Variants in ZNG1E observed in about 807,000 individuals in gnomAD.
ZNG1E encodes Zn regulated GTPase metalloprotein activator 1E.
the ZNG1E span, among the ~76,000 whole-genome samples, chr9:65,710,982 C>A: frequency 6.2e-5 from 9 of 145,362 alleles, no homozygotes; most frequent in African/African-American, 2.4e-4. Flanking sequence ...TCTTCCTACC[C>A]ATGAGCATGG....
chr9:65,694,440 A>T, the ZNG1E span, among the ~76,000 whole-genome samples: 213 of 150,388 alleles, frequency 1.4e-3, no homozygotes, highest in African/African-American at 5.1e-3. Context: ...ATGGAGGCCA[A>T]AAAAACAAAG....
At chr9:65,693,709 C>T in the ZNG1E span, among the ~76,000 whole-genome samples, 1 of 151,570 alleles carries the variant, frequency 6.6e-6, no homozygotes, top group East Asian at 1.9e-4. Flanking sequence ...AGGTGCACAC[C>T]ACCATGCCCA....
At chr9:65,686,944 C>G in the ZNG1E span, among the ~76,000 whole-genome samples, 1 of 152,280 alleles carries the variant, frequency 6.6e-6, no homozygotes, top group African/African-American at 2.4e-5. Context: ...GATCATCTAT[C>G]CAGACCACTT....
the ZNG1E span, chr9:65,705,011 T>C: frequency 6.9e-6 from 1 of 145,948 alleles, no homozygotes; most frequent in Admixed American, 6.9e-5. Context: ...TTTTTTTAAA[T>C]TTTTTTACCA....
At chr9:65,663,804 T>C in the ZNG1E span, among the ~76,000 whole-genome samples, 2 of 148,330 alleles carry the variant, frequency 1.3e-5, no homozygotes, top group Non-Finnish European at 3.0e-5. Flanking sequence ...TATATGCCTC[T>C]TGTAACCAGT....
At chr9:65,666,249 A>G in the ZNG1E span, among the ~76,000 whole-genome samples, 2 of 150,604 alleles carry the variant, frequency 1.3e-5, no homozygotes, top group Admixed American at 1.3e-4. Flanking sequence ...GGTGGGAGGT[A>G]ACTGAATCAT....
At chr9:65,684,570 A>ACACACT in the ZNG1E span, among the ~76,000 whole-genome samples, 1 of 148,496 alleles carries the variant, frequency 6.7e-6, no homozygotes, top group African/African-American at 2.6e-5. Flanking sequence ...ACACACACAC[A>ACACACT]TTCATACACA....
chr9:65,712,134 A>T, the ZNG1E span, among the ~76,000 whole-genome samples: 26 of 148,366 alleles, frequency 1.8e-4, no homozygotes, highest in African/African-American at 6.5e-4. Flanking sequence ...TTTCTAGTTT[A>T]TTTGCGTAGA....
chr9:65,688,041 T>G, the ZNG1E span, among the ~76,000 whole-genome samples: 1 of 151,642 alleles, frequency 6.6e-6, no homozygotes, highest in Non-Finnish European at 1.5e-5. Flanking sequence ...GTTCTTCGTA[T>G]GTATTCTAAT....
At chr9:65,715,074 A>G in the ZNG1E span, among the ~76,000 whole-genome samples, 1 of 149,202 alleles carries the variant, frequency 6.7e-6, no homozygotes, top group Non-Finnish European at 1.5e-5. Flanking sequence ...GGACTCTCCG[A>G]GCCAGGTGTG....
the ZNG1E span, among the ~76,000 whole-genome samples, chr9:65,684,541 C>CACACGCACACGA: frequency 4.2e-4 from 9 of 21,342 alleles, no homozygotes; most frequent in Non-Finnish European, 7.7e-4. Flanking sequence ...TATACACACA[C>CACACGCACACGA]ACACGCACGC....
At chr9:65,727,717 T>C in the ZNG1E span, among the ~76,000 whole-genome samples, 198 of 96,270 alleles carry the variant, frequency 2.1e-3, no homozygotes, top group Middle Eastern at 4.1e-3. Flanking sequence ...ATCCTAAACA[T>C]ATGCACCTAA....
At chr9:65,698,955 A>C in the ZNG1E span, among the ~76,000 whole-genome samples, 91 of 144,860 alleles carry the variant, frequency 6.3e-4, no homozygotes, top group East Asian at 0.018. Flanking sequence ...GCTGAAGTGC[A>C]GGCTCACTGC....
the ZNG1E span, among the ~76,000 whole-genome samples, chr9:65,691,328 C>T: frequency 1.3e-5 from 2 of 149,780 alleles, no homozygotes; most frequent in East Asian, 1.9e-4. Flanking sequence ...GGTGATCCGC[C>T]AGCCTCGGCC....
At chr9:65,681,633 C>G in the ZNG1E span, 1 of 1,593,208 alleles carries the variant, frequency 6.3e-7, no homozygotes, top group Admixed American at 1.8e-5. Context: ...TGAAGAGTGG[C>G]TGGAACTTAG....
At chr9:65,686,607 C>T in the ZNG1E span, among the ~76,000 whole-genome samples, 53 of 152,244 alleles carry the variant, frequency 3.5e-4, no homozygotes, top group Non-Finnish European at 6.0e-4. Flanking sequence ...TGCACTCCAG[C>T]CTGGGTGACA....
chr9:65,702,627 AT>A, the ZNG1E span, among the ~76,000 whole-genome samples: 1 of 141,152 alleles, frequency 7.1e-6, no homozygotes, highest in African/African-American at 2.8e-5. Flanking sequence ...GTATCTACTC[AT>A]TTTTAAGATC....
chr9:65,726,388 C>T, the ZNG1E span, among the ~76,000 whole-genome samples: 1 of 64,234 alleles, frequency 1.6e-5, no homozygotes, highest in African/African-American at 5.4e-5. Context: ...AGCAATGGAT[C>T]CAAACTAAGA....
the ZNG1E span, among the ~76,000 whole-genome samples, chr9:65,679,721 A>C: frequency 2.6e-5 from 4 of 152,354 alleles, no homozygotes; most frequent in South Asian, 8.3e-4. Context: ...TGCCCAGATA[A>C]TTTTTGTATT....
Sources: gnomAD v4.1 joint callset for allele counts (sites outside exome capture counted in the v4.1 genomes callset) on GRCh38, gnomAD v4.1.1 for gene constraint, MANE v1.5 for transcripts, NCBI Gene and HGNC (gene_info 2026-07-23, HGNC 2026-07-21) for gene names.